PLCL2: variants seen among roughly 807,000 people sequenced by gnomAD.
PLCL2 encodes inactive phospholipase C-like protein 2.
A neutral mutation model predicts 79.6 loss-of-function variants in PLCL2; 4 were observed. The observed-to-expected ratio is 0.05, with a 90% CI of 0.02 to 0.11. The LOEUF (loss-of-function observed/expected upper bound fraction) is 0.11. PLCL2 is among the 10% of genes least tolerant of loss of function. The pLI, the probability that PLCL2 is intolerant of heterozygous loss-of-function variation, is 1.00. For synonymous variants in PLCL2, 484 were observed against 457.7 expected (o/e 1.06, Z -0.73); for missense variants, 895 against 1,291.0 (o/e 0.69, Z 4.70).
chr3:17,051,244 C>A (rs1418779344), intron 4 of PLCL2, among the ~76,000 whole-genome samples: 1 of 151,980 alleles, frequency 6.6e-6, no homozygotes, highest in African/African-American at 2.4e-5. Flanking sequence ...TATTTGATAG[C>A]GCAACAGGGG....
At chr3:16,997,856 T>A (rs985992819) in intron 1 of PLCL2, among the ~76,000 whole-genome samples, 6 of 152,148 alleles carry the variant, frequency 3.9e-5, no homozygotes, top group Non-Finnish European at 8.8e-5. Flanking sequence ...TAATTTCATA[T>A]GCAGATAAAC....
chr3:17,068,543 A>G (rs562082210), intron 5 of PLCL2, among the ~76,000 whole-genome samples: 1 of 152,356 alleles, frequency 6.6e-6, no homozygotes, highest in Admixed American at 6.5e-5. Context: ...AAGAATTGCT[A>G]TTGAAAGAAA....
At chr3:16,971,752 A>G (rs2063870765) in intron 1 of PLCL2, among the ~76,000 whole-genome samples, 1 of 152,128 alleles carries the variant, frequency 6.6e-6, no homozygotes. Flanking sequence ...TTCTCCTTGA[A>G]GAGGTCCTTC....
In PLCL2 at chr3:17,010,328, A is replaced by G. The variant is rs1485435450; in HGVS notation, c.982A>G (p.Lys328Glu). Reference protein sequence around the residue: ...SKDKAGTEVTKEEFIEVFHEL... With the variant: ...SKDKAGTEVTEEEFIEVFHEL... ...GGACAAAGCTGGTACCGAGGTCACAAAGGAAGAATTTATTGAGGTTTTTCA... is the reference window on the plus strand; with the variant it reads ...GGACAAAGCTGGTACCGAGGTCACAGAGGAAGAATTTATTGAGGTTTTTCA... The change falls in exon 2 of 6, where the codon AAG (lysine) becomes GAG (glutamate). Residue 328 changes from lysine (K) to glutamate (E), a missense_variant. Lys to Glu is a moderately conservative substitution (Grantham distance 56). This residue lies in a region of PLCL2 where 93 missense variants were observed against 93.2 expected (regional missense o/e 1.00). Transcript: ENST00000615277. The surrounding 1 kb of genome is among the most constrained non-coding windows in gnomAD (Gnocchi z 5.8). 6.2e-7 allele frequency: 1 copy of G among 1,614,116 alleles called. No homozygotes were observed. Among genetic ancestry groups the G allele is most frequent in the Admixed American group, 1.7e-5 (1 of 60,022 alleles).
At chr3:17,033,225 C>T (rs1224533268) in intron 3 of PLCL2, among the ~76,000 whole-genome samples, 1 of 151,998 alleles carries the variant, frequency 6.6e-6, no homozygotes, top group African/African-American at 2.4e-5. Context: ...ACATGTGGAC[C>T]CTGGGTCACT....
chr3:16,918,084 G>A (rs1036424726), intron 1 of PLCL2, among the ~76,000 whole-genome samples: 5 of 152,086 alleles, frequency 3.3e-5, no homozygotes, highest in Admixed American at 2.0e-4. Context: ...GATAACTTTT[G>A]CATGACTGAA....
At chr3:16,944,532 C>T (rs2063582950) in intron 1 of PLCL2, among the ~76,000 whole-genome samples, 1 of 152,020 alleles carries the variant, frequency 6.6e-6, no homozygotes, top group Non-Finnish European at 1.5e-5. Context: ...GGGATGGGCT[C>T]TAATCTAATA....
At position 16,906,491 on chromosome 3, in the gene PLCL2, GATA is replaced by G. The variant is rs540408685; in HGVS notation, c.327+21131_327+21133del. Among the ~76,000 whole-genome samples the G allele has an allele frequency of 4.0e-3, 615 of 152,134 alleles. 6 individuals carry two copies. The highest frequency in any genetic ancestry group is 0.013 in the African/African-American group (551 of 41,528). On this transcript the variant is annotated intron_variant, in intron 1 of 5. Coordinates refer to ENST00000615277, the MANE Select transcript of PLCL2 (RefSeq NM_001144382.2). The stretch of plus-strand genomic sequence containing the variant: ...TTCTTGTATTGTTAATTTTTGCAAA[GATA>G]ATAATTTTCAAAATTTTAATCAAAT...
At chr3:16,973,424 T>C (rs2063894183) in intron 1 of PLCL2, among the ~76,000 whole-genome samples, 1 of 151,862 alleles carries the variant, frequency 6.6e-6, no homozygotes, top group Admixed American at 6.6e-5. Context: ...TCATCTTGTA[T>C]AGTATTTCAC....
chr3:17,010,777 G>A lies in PLCL2; in HGVS notation c.1431G>A (p.Gly477=), dbSNP rs752243678. Residue 477 remains glycine, a synonymous_variant, in exon 2 of 6, where the codon GGG becomes GGA. Coordinates refer to ENST00000615277, the MANE Select transcript of PLCL2 (RefSeq NM_001144382.2). This position sits in a 1 kb window ranked among gnomAD's most constrained non-coding sequence, Gnocchi z 5.8. ...GTGTTGAATTAGATGTATGGGATGG[G>A]CCGGACAATGAACCTGTAATTTACA... ...CRSVELDVWD[G]PDNEPVIYTG... 6.2e-7 allele frequency: 1 copy of A among 1,614,144 alleles called. No individual in the cohort carries two copies. The highest frequency in any genetic ancestry group is 1.1e-5 in the South Asian group (1 of 91,082).
At chr3:16,919,705 T>A (rs1020199459) in intron 1 of PLCL2, among the ~76,000 whole-genome samples, 2 of 152,316 alleles carry the variant, frequency 1.3e-5, no homozygotes, top group African/African-American at 2.4e-5. Context: ...AAAAGTATAC[T>A]CCTTATGACT....
chr3:16,968,259 T>C lies in PLCL2; in HGVS notation c.328-41415T>C, dbSNP rs574345316. Among the ~76,000 whole-genome samples the C allele has an allele frequency of 9.7e-4, 148 of 152,292 alleles. 2 individuals are homozygous for C. The South Asian group carries it at 0.03, about 31-fold the overall frequency. ...GTCACCTTGGCTATTCAGGATCTTT[T>C]TTGGTTCCATACCAATTTTAACATA... On this transcript the variant is annotated intron_variant, in intron 1 of 5. Coordinates refer to ENST00000615277, the MANE Select transcript of PLCL2 (RefSeq NM_001144382.2).
At chr3:16,905,373 G>A (rs1387012994) in intron 1 of PLCL2, among the ~76,000 whole-genome samples, 1 of 152,156 alleles carries the variant, frequency 6.6e-6, no homozygotes, top group Non-Finnish European at 1.5e-5. Flanking sequence ...AAAGCTGATT[G>A]GCTGTCAAAC....
At chr3:16,953,820 T>C (rs763946599) in intron 1 of PLCL2, among the ~76,000 whole-genome samples, 3 of 152,090 alleles carry the variant, frequency 2.0e-5, no homozygotes, top group Non-Finnish European at 2.9e-5. Flanking sequence ...TCTTTTATAG[T>C]AGACATAGAA....
chr3:17,069,673 A>C (rs887208608), intron 5 of PLCL2, among the ~76,000 whole-genome samples: 1 of 152,206 alleles, frequency 6.6e-6, no homozygotes, highest in South Asian at 2.1e-4. Context: ...CCTGAAGTTA[A>C]AAGCTCCATC....
intron 1 of PLCL2, among the ~76,000 whole-genome samples, chr3:16,911,080 C>G (rs1696870058): frequency 6.6e-6 from 1 of 151,972 alleles, no homozygotes; most frequent in African/African-American, 2.4e-5. Context: ...TGGTGAAACC[C>G]CATCTCAACC....
intron 1 of PLCL2, among the ~76,000 whole-genome samples, chr3:16,901,924 G>A (rs1171232696): frequency 6.6e-6 from 1 of 152,218 alleles, no homozygotes; most frequent in Non-Finnish European, 1.5e-5. Flanking sequence ...GTGCCACACA[G>A]TGAATAGGTC....
At chr3:16,914,973 C>G (rs902859856) in intron 1 of PLCL2, among the ~76,000 whole-genome samples, 1 of 152,140 alleles carries the variant, frequency 6.6e-6, no homozygotes, top group Non-Finnish European at 1.5e-5. Context: ...CTCAAGTGAT[C>G]CTTCCACCTC....
At chr3:17,012,343 G>T (rs1306884230) in intron 2 of PLCL2, among the ~76,000 whole-genome samples, 183 bp downstream of exon 2, 1 of 152,224 alleles carries the variant, frequency 6.6e-6, no homozygotes, top group African/African-American at 2.4e-5. Flanking sequence ...TACAGTTGAT[G>T]TTGAAAATAT....
Sources: gnomAD v4.1 joint callset for allele counts (sites outside exome capture counted in the v4.1 genomes callset) on GRCh38, gnomAD v4.1.1 for gene constraint, gnomAD v4.1.1 regional missense constraint, Gnocchi (gnomAD v3.1) non-coding constraint, MANE v1.5 for transcripts, NCBI Gene and HGNC (gene_info 2026-07-23, HGNC 2026-07-21) for gene names.